The following SEC13 variants were observed in gnomAD, a reference collection of about 807,000 sequenced individuals.
SEC13 encodes SEC13 homolog, nuclear pore and COPII component, also known as protein SEC13 homolog.
In SEC13, 25 loss-of-function variants were observed where a neutral mutation model predicts 49.2. That is an observed-to-expected ratio of 0.51 (90% CI 0.37 to 0.71). The LOEUF (loss-of-function observed/expected upper bound fraction) is 0.71. SEC13 is among the 30% of genes least tolerant of loss of function. SEC13 has a pLI of 0.00. For missense variants in SEC13, 383 were observed against 417.6 expected (o/e 0.92, Z 0.72); for synonymous variants, 148 against 163.9 (o/e 0.90, Z 0.74).
rs1700787031 is a variant in SEC13, at chr3:10,305,113, C to T, written c.628G>A (p.Ala210Thr). ...ACATCTCGAACCCAGTCACTGTGCG[C>T]TTCTAGCTTCTGCTCCTCCTTCCAC... The part of the protein sequence containing the change: ...GQWKEEQKLE[A>T]HSDWVRDVAW... Residue 210 changes from alanine to threonine, a missense_variant, in exon 7 of 9, where the codon GCG becomes ACG. Transcript: ENST00000350697. 2.5e-6 allele frequency: 4 copies of T among 1,613,970 alleles called. No individual in the cohort carries two copies. Among genetic ancestry groups the T allele is most frequent in the South Asian group, 1.1e-5 (1 of 91,076 alleles).
chr3:10,311,217 T>C (rs961485975), intron 5 of SEC13, among the ~76,000 whole-genome samples: 1 of 152,206 alleles, frequency 6.6e-6, no homozygotes, highest in Non-Finnish European at 1.5e-5. Flanking sequence ...AGTGCTCCTC[T>C]GGTGGAATGG....
chr3:10,313,440 G>T (rs775445313), intron 3 of SEC13: 1 of 530,460 alleles, frequency 1.9e-6, no homozygotes, highest in African/African-American at 1.9e-5. Context: ...CTCTTTACCT[G>T]AAAATGGAGA....
At chr3:10,320,417 T>G in intron 1 of SEC13, 1 of 510,582 alleles carries the variant, frequency 2.0e-6, no homozygotes, top group Non-Finnish European at 2.5e-6. Context: ...GAATGTACAC[T>G]GCAGATGCCA....
chr3:10,320,510 TGG>T, intron 1 of SEC13: 1 of 985,586 alleles, frequency 1.0e-6, no homozygotes, highest in Non-Finnish European at 1.2e-6. Context: ...CCATCCTACC[TGG>T]GGGCCCTACC....
chr3:10,312,513 A>G, intron 4 of SEC13, 66 bp downstream of exon 4: 1 of 1,572,848 alleles, frequency 6.4e-7, no homozygotes. Flanking sequence ...CCAGGGCTCC[A>G]GCCGGGACAG....
At chr3:10,303,786 C>A (rs534483011) in intron 8 of SEC13, 2 of 542,420 alleles carry the variant, frequency 3.7e-6, no homozygotes, top group South Asian at 3.9e-5. Flanking sequence ...GTTTTGGGAC[C>A]CCCATGCAAG....
chr3:10,314,790 T>C (rs1701499486), intron 3 of SEC13, among the ~76,000 whole-genome samples: 1 of 152,230 alleles, frequency 6.6e-6, no homozygotes, highest in South Asian at 2.1e-4. Flanking sequence ...GCCACGGGCA[T>C]ATAGGCAGAA....
chr3:10,311,878 C>T (rs1265965106), intron 5 of SEC13, 87 bp downstream of exon 5: 1 of 1,612,126 alleles, frequency 6.2e-7, no homozygotes, highest in South Asian at 1.1e-5. Context: ...CAGCGGGGAC[C>T]CTCCCGTGCC....
rs1457254213 is a variant in SEC13, at chr3:10,312,707, A to G, written c.188T>C (p.Val63Ala). 3 of 1,614,064 alleles carry G rather than the reference A, an allele frequency of 1.9e-6. No individual in the cohort carries two copies. Among genetic ancestry groups the G allele is most frequent in the Admixed American group, 3.3e-5 (2 of 60,008 alleles). Residue 63 changes from valine (V) to alanine (A), a missense_variant, in exon 4 of 9, where the codon GTG (valine) becomes GCG (alanine). Physicochemically the swap from Val to Ala is moderately conservative, Grantham distance 64. Coordinates refer to ENST00000350697, the MANE Select transcript of SEC13 (RefSeq NM_183352.3). ...LRGHEGPVWQVAWAHPMYGNI... is the reference protein window; with the variant it reads ...LRGHEGPVWQAAWAHPMYGNI... ...GCCGTACATGGGGTGAGCCCAGGCC[A>G]CTTGCCACACAGGACCCTCATGACT...
At chr3:10,320,924 C>A in intron 1 of SEC13, 126 bp downstream of exon 1, 1 of 1,510,500 alleles carries the variant, frequency 6.6e-7, no homozygotes, top group East Asian at 2.5e-5. Flanking sequence ...CCCCCCAAAT[C>A]TCTAAGCGGT....
chr3:10,301,469 C>T (rs956778080), intron 8 of SEC13, 95 bp from the exon 9 acceptor site: 1 of 1,513,586 alleles, frequency 6.6e-7, no homozygotes, highest in African/African-American at 1.4e-5. Flanking sequence ...GAACCACTGC[C>T]CAGAGGCTTG....
chr3:10,307,870 G>A (rs567623924), intron 5 of SEC13, among the ~76,000 whole-genome samples: 8 of 152,192 alleles, frequency 5.3e-5, no homozygotes, highest in African/African-American at 1.9e-4. Flanking sequence ...TGCCTGCCCT[G>A]GGCCCAGCCT....
chr3:10,303,603 C>T lies in SEC13; in HGVS notation c.855+423G>A, dbSNP rs180787604. 1,095 of 279,396 alleles carry T rather than the reference C, an allele frequency of 3.9e-3. 7 individuals carry two copies. Among genetic ancestry groups the T allele is most frequent in the Non-Finnish European group, 6.6e-3 (932 of 141,794 alleles). 17.3% of individuals were successfully genotyped at this position (279,396 alleles called of 1,614,324 possible). A position where few individuals can be genotyped will look rare whatever the true frequency, so the allele number is the denominator to read the frequency against. Reference sequence around the variant, plus strand: ...TACCAGCATAACAAGTATTCATAAACTCTAAAGGTTTTTAAAAAGCCTTTT... The same window carrying T: ...TACCAGCATAACAAGTATTCATAAATTCTAAAGGTTTTTAAAAAGCCTTTT... On this transcript the variant is annotated intron_variant, in intron 8 of 8. Transcript: ENST00000350697.
At chr3:10,304,818 G>A (rs954218572) in intron 7 of SEC13, among the ~76,000 whole-genome samples, 1 of 152,194 alleles carries the variant, frequency 6.6e-6, no homozygotes, top group Non-Finnish European at 1.5e-5. Flanking sequence ...CTTGGTGCCG[G>A]TTCTGTTGTA....
At chr3:10,302,279 CAT>C (rs1253550920) in intron 8 of SEC13, among the ~76,000 whole-genome samples, 1 of 152,098 alleles carries the variant, frequency 6.6e-6, no homozygotes, top group African/African-American at 2.4e-5. Flanking sequence ...AACCTATGTA[CAT>C]ATATTAGTTT....
At chr3:10,308,311 T>G (rs1701017669) in intron 5 of SEC13, among the ~76,000 whole-genome samples, 1 of 152,270 alleles carries the variant, frequency 6.6e-6, no homozygotes, top group South Asian at 2.1e-4. Flanking sequence ...AGCAGTGGAA[T>G]CACAGTGTGT....
At chr3:10,312,516 C>G in intron 4 of SEC13, 63 bp downstream of exon 4, 1 of 1,579,356 alleles carries the variant, frequency 6.3e-7, no homozygotes, top group Non-Finnish European at 8.6e-7. Context: ...GGGCTCCAGC[C>G]GGGACAGAGT....
intron 5 of SEC13, among the ~76,000 whole-genome samples, chr3:10,308,534 A>G (rs369500628): frequency 5.5e-4 from 83 of 152,262 alleles, no homozygotes; most frequent in African/African-American, 2.0e-3. Flanking sequence ...CCTTTTGTGT[A>G]TAAGTCTTTG....
chr3:10,307,800 C>T (rs1434085487), intron 5 of SEC13, among the ~76,000 whole-genome samples: 5 of 151,786 alleles, frequency 3.3e-5, no homozygotes, highest in Admixed American at 2.6e-4. Flanking sequence ...AACTCCTGAG[C>T]TCAGGTGATC....
Sources: allele counts gnomAD v4.1 joint callset (sites outside exome capture counted in the v4.1 genomes callset), GRCh38; gene constraint gnomAD v4.1.1; transcripts MANE v1.5; gene names NCBI Gene and HGNC (gene_info 2026-07-23, HGNC 2026-07-21).